Variants in GID4 observed in about 807,000 individuals in gnomAD.
GID4 encodes the protein glucose-induced degradation protein 4 homolog.
A neutral mutation model predicts 32.4 loss-of-function variants in GID4; 7 were observed. The ratio of observed to expected loss-of-function variants is 0.22; its 90% CI spans 0.12 to 0.41. The LOEUF (loss-of-function observed/expected upper bound fraction) is 0.41. Among genes scored for constraint, GID4 ranks in the 10% least tolerant of loss-of-function variants. The pLI, the probability that GID4 is intolerant of heterozygous loss-of-function variation, is 1.00. For synonymous variants in GID4, 166 were observed against 170.0 expected (o/e 0.98, Z 0.18); for missense variants, 309 against 400.0 (o/e 0.77, Z 1.94).
chr17:18,053,162 C>T (rs1386483750), intron 2 of GID4, among the ~76,000 whole-genome samples: 1 of 149,204 alleles, frequency 6.7e-6, no homozygotes, highest in African/African-American at 2.4e-5. Context: ...TACAGGCATG[C>T]GCCACCACGC....
chr17:18,052,577 T>C (rs1255436021), intron 2 of GID4, among the ~76,000 whole-genome samples: 2 of 152,222 alleles, frequency 1.3e-5, no homozygotes, highest in Non-Finnish European at 2.9e-5. Context: ...ACCATGCTCC[T>C]GGCAGACACC....
chr17:18,066,245 T>C lies in GID4; in HGVS notation c.*1002T>C, dbSNP rs2045060719. The C allele has an allele frequency of 1.3e-5, 2 of 152,612 alleles. No homozygotes were observed. The highest frequency in any genetic ancestry group is 2.1e-4 in the South Asian group (1 of 4,828). 9.5% of individuals were successfully genotyped at this position (152,612 alleles called of 1,614,324 possible). A position where few individuals can be genotyped will look rare whatever the true frequency, so the allele number is the denominator to read the frequency against. On this transcript the variant is annotated 3_prime_UTR_variant, in exon 6 of 6. Coordinates refer to ENST00000268719, the MANE Select transcript of GID4 (RefSeq NM_024052.5). ...AAGTTTTGCAGCATTGCCTAAATTATAGTGCTCAACACAAGAACTGTTTTT... is the reference window on the plus strand; with the variant it reads ...AAGTTTTGCAGCATTGCCTAAATTACAGTGCTCAACACAAGAACTGTTTTT...
In GID4 at chr17:18,039,630, C is replaced by T. The variant is rs1318358699; in HGVS notation, c.166C>T (p.Leu56Phe). ...CGCGCGTGCGCGCCCCGGCCTCTCC[C>T]TCCCCGCCACCCTCCTCGGCTCCCG... Reference protein sequence around the residue: ...HPARARPGLSLPATLLGSRAA... With the variant: ...HPARARPGLSFPATLLGSRAA... The change falls in exon 1 of 6, where the codon CTC becomes TTC. Residue 56 changes from leucine (L) to phenylalanine (F), a missense_variant. Physicochemically the swap from Leu to Phe is conservative, Grantham distance 22. Transcript: ENST00000268719. This position sits in a 1 kb window ranked among gnomAD's most constrained non-coding sequence, Gnocchi z 5.3. The T allele has an allele frequency of 3.2e-5, 42 of 1,303,800 alleles. No individual in the cohort carries two copies. The highest frequency in any genetic ancestry group is 4.0e-5 in the Non-Finnish European group (41 of 1,030,342). The allele number at this position is 1,303,800 out of a possible 1,614,324, so 80.8% of individuals were successfully genotyped here.
chr17:18,053,383 C>T (rs940986270), intron 2 of GID4, among the ~76,000 whole-genome samples: 2 of 150,868 alleles, frequency 1.3e-5, no homozygotes, highest in East Asian at 2.0e-4. Flanking sequence ...GAGGCCAAGG[C>T]GGGTGGATCA....
Position 18,040,639 on chromosome 17 carries a change from C to T in GID4, c.438+737C>T, listed in dbSNP as rs193257101. On this transcript the variant is annotated intron_variant, in intron 1 of 5. Transcript: ENST00000268719. ...CCTTCCAGCTTCTCCACCCCCAGGCCTCCTGCCCCTGCTCTGGGACCATTT... is the reference window on the plus strand; with the variant it reads ...CCTTCCAGCTTCTCCACCCCCAGGCTTCCTGCCCCTGCTCTGGGACCATTT... Among the ~76,000 whole-genome samples, 44 of 152,358 alleles carry T rather than the reference C, an allele frequency of 2.9e-4. No individual in the cohort carries two copies. The East Asian group carries it at 8.5e-3, about 29-fold the overall frequency.
At chr17:18,057,167 C>T (rs1385794894) in intron 3 of GID4, 1 of 1,140,612 alleles carries the variant, frequency 8.8e-7, no homozygotes, top group East Asian at 2.6e-5. Context: ...TGTGGTGGCT[C>T]ATGCCTGTAA....
At chr17:18,042,633 GT>G (rs2044813692) in intron 1 of GID4, among the ~76,000 whole-genome samples, 1 of 152,172 alleles carries the variant, frequency 6.6e-6, no homozygotes, top group African/African-American at 2.4e-5. Context: ...TTATGTACAA[GT>G]TTTTATGTGG....
At chr17:18,051,459 A>C (rs1458966891) in intron 2 of GID4, among the ~76,000 whole-genome samples, 1 of 151,976 alleles carries the variant, frequency 6.6e-6, no homozygotes, top group African/African-American at 2.4e-5. Flanking sequence ...CAGGTGGATC[A>C]CGAGGTTAGG....
In GID4 at chr17:18,066,377, ACT is replaced by A. The variant is rs60237684; in HGVS notation, c.*1137_*1138del. ...GGGTCGTCGTTCTCTGAAAACAGTG[ACT>A]CTGAAATGTTGGGACAGGGGAAGGG... On this transcript the variant is annotated 3_prime_UTR_variant, in exon 6 of 6. Coordinates refer to ENST00000268719, the MANE Select transcript of GID4 (RefSeq NM_024052.5). The A allele has an allele frequency of 0.021, 3,192 of 151,978 alleles. 108 individuals are homozygous for A. The highest frequency in any genetic ancestry group is 0.065 in the African/African-American group (2,692 of 41,278). 9.4% of individuals were successfully genotyped at this position (151,978 alleles called of 1,614,324 possible).
intron 3 of GID4, among the ~76,000 whole-genome samples, chr17:18,055,402 A>G (rs201203268): frequency 6.6e-6 from 1 of 152,162 alleles, no homozygotes; most frequent in East Asian, 1.9e-4. Context: ...GTCTGTGGAG[A>G]GAACTCCCGC....
At chr17:18,045,243 C>T in intron 2 of GID4, 37 bp downstream of exon 2, 1 of 1,549,982 alleles carries the variant, frequency 6.5e-7, no homozygotes, top group Non-Finnish European at 8.9e-7. Flanking sequence ...ACTAGAAAGT[C>T]TGTGGTGTGC....
In GID4 at chr17:18,067,907, C is replaced by T. The variant is rs925050494; in HGVS notation, c.*2664C>T. On this transcript the variant is annotated 3_prime_UTR_variant, in exon 6 of 6. Coordinates refer to ENST00000268719, the MANE Select transcript of GID4 (RefSeq NM_024052.5). ...ACCCTCTTCTGTGCTGGACTTCCAC[C>T]CACCCACCCTTTTCAAGTTTAGATA... 6.6e-6 allele frequency: 1 copy of T among 152,574 alleles called. No individual in the cohort carries two copies. Among genetic ancestry groups the T allele is most frequent in the African/African-American group, 2.4e-5 (1 of 41,432 alleles). 9.5% of individuals were successfully genotyped at this position (152,574 alleles called of 1,614,324 possible). A position where few individuals can be genotyped will look rare whatever the true frequency, so the allele number is the denominator to read the frequency against.
chr17:18,056,425 A>T (rs900343879), intron 3 of GID4, among the ~76,000 whole-genome samples: 1 of 152,162 alleles, frequency 6.6e-6, no homozygotes, highest in African/African-American at 2.4e-5. Flanking sequence ...AGGGCTCCCT[A>T]GTACCATCTG....
chr17:18,045,108 TTATC>T (rs1567584574), intron 1 of GID4, 35 bp from the exon 2 acceptor site: 4 of 1,538,226 alleles, frequency 2.6e-6, no homozygotes, highest in Non-Finnish European at 3.6e-6. Flanking sequence ...CCTAGTAAGT[TTATC>T]TATTTGTGAC....
chr17:18,056,865 G>A (rs2044972452), intron 3 of GID4: 8 of 1,550,446 alleles, frequency 5.2e-6, no homozygotes, highest in Non-Finnish European at 7.0e-6. Context: ...GTTTGTGGCT[G>A]CTTTTGTAGT....
At chr17:18,059,628 A>G (rs1027310582) in intron 4 of GID4, among the ~76,000 whole-genome samples, 2 of 152,192 alleles carry the variant, frequency 1.3e-5, no homozygotes, top group African/African-American at 2.4e-5. Context: ...GAATAGCAAA[A>G]TCAGGAAGCC....
At position 18,039,822 on chromosome 17, in the gene GID4, A is replaced by G. The variant is rs2044770473; in HGVS notation, c.358A>G (p.Ser120Gly). The G allele has an allele frequency of 6.3e-7, 1 of 1,575,330 alleles. No individual in the cohort carries two copies. The highest frequency in any genetic ancestry group is 8.6e-7 in the Non-Finnish European group (1 of 1,161,586). Reference protein sequence around the residue: ...INTQQPGVATSLLYSGSKFRG... With the variant: ...INTQQPGVATGLLYSGSKFRG... ...CACCCAGCAGCCCGGCGTGGCCACC[A>G]GCCTGCTCTACAGCGGCTCCAAGTT... is the stretch of plus-strand genomic sequence containing the variant. The change falls in exon 1 of 6, where the codon AGC (serine) becomes GGC (glycine). Residue 120 changes from serine to glycine, a missense_variant. By Grantham distance (56) the Ser-to-Gly change is moderately conservative (BLOSUM62 0). Transcript: ENST00000268719. The surrounding 1 kb of genome is among the most constrained non-coding windows in gnomAD (Gnocchi z 5.3).
In GID4 at chr17:18,065,559, G is replaced by A. The variant is rs888362864; in HGVS notation, c.*316G>A. 2.0e-5 allele frequency: 7 copies of A among 341,938 alleles called. No homozygotes were observed. Among genetic ancestry groups the A allele is most frequent in the Middle Eastern group, 9.5e-4 (1 of 1,048 alleles). 21.2% of individuals were successfully genotyped at this position (341,938 alleles called of 1,614,324 possible). ...CACTGAAATGCCCATTCCTTCCTCCGTCCCACCTCCAGCCGAATAGAAGGT... is the reference window on the plus strand; with the variant it reads ...CACTGAAATGCCCATTCCTTCCTCCATCCCACCTCCAGCCGAATAGAAGGT... On this transcript the variant is annotated 3_prime_UTR_variant, in exon 6 of 6. Transcript: ENST00000268719.
chr17:18,041,408 A>T (rs1373646261), intron 1 of GID4, among the ~76,000 whole-genome samples: 1 of 152,026 alleles, frequency 6.6e-6, no homozygotes, highest in African/African-American at 2.4e-5. Flanking sequence ...GGAATAAATC[A>T]TTTTCTCTGC....
Sources: allele counts gnomAD v4.1 joint callset (sites outside exome capture counted in the v4.1 genomes callset), GRCh38; gene constraint gnomAD v4.1.1; non-coding constraint Gnocchi (gnomAD v3.1); transcripts MANE v1.5; gene names NCBI Gene and HGNC (gene_info 2026-07-23, HGNC 2026-07-21).